The following PCNX2 variants were observed in gnomAD, a reference collection of about 807,000 sequenced individuals.
PCNX2 encodes pecanex 2.
PCNX2 carries 168 observed loss-of-function variants against 223.8 expected under a neutral mutation model. The ratio of observed to expected loss-of-function variants is 0.75; its 90% CI spans 0.66 to 0.85. PCNX2 has a LOEUF of 0.85. PCNX2 is among the 40% of genes least tolerant of loss of function. PCNX2 has a pLI of 0.00. For missense variants in PCNX2, 2,507 were observed against 2,675.5 expected (o/e 0.94, Z 1.39); for synonymous variants, 1,006 against 1,052.6 (o/e 0.96, Z 0.86).
At chr1:233,114,713 A>T (rs968967002) in intron 21 of PCNX2, among the ~76,000 whole-genome samples, 1 of 152,196 alleles carries the variant, frequency 6.6e-6, no homozygotes, top group Non-Finnish European at 1.5e-5. Flanking sequence ...AGGCGCATCC[A>T]GAAAGTCACA....
At chr1:233,026,604 T>C (rs185029374) in intron 25 of PCNX2, among the ~76,000 whole-genome samples, 232 of 152,280 alleles carry the variant, frequency 1.5e-3, no homozygotes, top group African/African-American at 5.4e-3. Context: ...GAGGAAGTGG[T>C]GAGAAATGAT....
chr1:233,053,144 T>C (rs781525820), intron 25 of PCNX2, among the ~76,000 whole-genome samples: 2 of 151,992 alleles, frequency 1.3e-5, no homozygotes, highest in Admixed American at 6.6e-5. Flanking sequence ...CCCCATAACA[T>C]AGAGAATAAC....
chr1:233,236,531 C>T (rs1658423324), intron 9 of PCNX2, among the ~76,000 whole-genome samples: 2 of 151,598 alleles, frequency 1.3e-5, no homozygotes, highest in Non-Finnish European at 2.9e-5. Flanking sequence ...AAAAAGGCAA[C>T]CTAATCCAGT....
intron 17 of PCNX2, among the ~76,000 whole-genome samples, chr1:233,167,167 A>T (rs1278796605): frequency 6.6e-6 from 1 of 152,212 alleles, no homozygotes; most frequent in African/African-American, 2.4e-5. Flanking sequence ...TAAATAATGG[A>T]TAAAGAAATT....
intron 12 of PCNX2, among the ~76,000 whole-genome samples, chr1:233,217,313 C>G (rs1657021975): frequency 6.6e-6 from 1 of 151,922 alleles, no homozygotes; most frequent in South Asian, 2.1e-4. Flanking sequence ...AAAACATCAC[C>G]CTGTACCCCA....
At chr1:233,119,796 AT>A (rs1342608687) in intron 21 of PCNX2, among the ~76,000 whole-genome samples, 3 of 152,140 alleles carry the variant, frequency 2.0e-5, no homozygotes, top group Non-Finnish European at 4.4e-5. Flanking sequence ...GAAAGACCCT[AT>A]TAAGAGAAGG....
chr1:233,151,215 T>C (rs1228621904), intron 19 of PCNX2, among the ~76,000 whole-genome samples: 2 of 152,232 alleles, frequency 1.3e-5, no homozygotes, highest in African/African-American at 4.8e-5. Context: ...ACACCATTTC[T>C]ATTTTCTCCA....
chr1:233,288,804 C>CTTT (rs10558976), intron 1 of PCNX2: 80 of 433,530 alleles, frequency 1.8e-4, no homozygotes, highest in South Asian at 7.1e-4. Context: ...GAAAGATGCC[C>CTTT]TTTTTTTTTT....
chr1:233,125,666 A>G lies in PCNX2; in HGVS notation c.3837+9347T>C, dbSNP rs75798365. Among the ~76,000 whole-genome samples the G allele has an allele frequency of 6.1e-3, 923 of 152,290 alleles. 4 individuals carry two copies. The highest frequency in any genetic ancestry group is 0.01 in the Middle Eastern group (3 of 294). On this transcript the variant is annotated intron_variant, in intron 21 of 33. Transcript: ENST00000258229. The stretch of plus-strand genomic sequence containing the variant: ...AATGAACATGTGACACAAAACGTCA[A>G]TGAGACTTCTCCCCCACCCGAAGAC...
In PCNX2 at chr1:233,120,164, CAAAAAAAA is replaced by C. The variant is rs1228898502; in HGVS notation, c.3837+14841_3837+14848del. On this transcript the variant is annotated intron_variant, in intron 21 of 33. Coordinates refer to ENST00000258229, the MANE Select transcript of PCNX2 (RefSeq NM_014801.4). ...CCTGGGTGACAGTGAGACTCCATTT[CAAAAAAAA>C]AAAAAAAAAAAAGAAATAAAAAGAA... is the stretch of plus-strand genomic sequence containing the variant. Among the ~76,000 whole-genome samples the C allele has an allele frequency of 1.9e-4, 8 of 42,656 alleles. 1 individual carries two copies. Among genetic ancestry groups the C allele is most frequent in the East Asian group, 7.3e-4 (1 of 1,368 alleles). 28.0% of individuals were successfully genotyped at this position (42,656 alleles called of 152,430 possible).
chr1:233,254,821 A>T (rs1659640537), intron 5 of PCNX2, among the ~76,000 whole-genome samples: 1 of 152,114 alleles, frequency 6.6e-6, no homozygotes, highest in African/African-American at 2.4e-5. Context: ...ATCTAAAAAT[A>T]GTAGTTATAT....
chr1:233,094,379 A>T (rs1321753085), intron 22 of PCNX2, among the ~76,000 whole-genome samples: 1 of 152,204 alleles, frequency 6.6e-6, no homozygotes, highest in Non-Finnish European at 1.5e-5. Context: ...GGCTTTATAG[A>T]AAATGATTGC....
chr1:233,036,629 CAAA>C (rs34006978), intron 25 of PCNX2, among the ~76,000 whole-genome samples: 2 of 132,554 alleles, frequency 1.5e-5, no homozygotes, highest in Admixed American at 7.8e-5. Flanking sequence ...GACTCCATCT[CAAA>C]AAAAAAAAAA....
At chr1:233,208,751 A>G (rs1262493732) in intron 12 of PCNX2, 62 bp from the exon 13 acceptor site, 1 of 1,462,442 alleles carries the variant, frequency 6.8e-7, no homozygotes, top group African/African-American at 1.4e-5. Context: ...AAAAAGCCTC[A>G]TAGTCAATAA....
chr1:233,240,244 G>A (rs561297026), intron 8 of PCNX2, among the ~76,000 whole-genome samples: 90 of 152,152 alleles, frequency 5.9e-4, no homozygotes, highest in Non-Finnish European at 1.0e-3. Flanking sequence ...TCACTGAAAC[G>A]GACAGGTGGA....
At position 233,025,188 on chromosome 1, in the gene PCNX2, C is replaced by T. The variant is rs371347464; in HGVS notation, c.4563G>A (p.Gln1521=). 315 of 1,613,920 alleles carry T rather than the reference C, an allele frequency of 2.0e-4. No homozygotes were observed. Among genetic ancestry groups the T allele is most frequent in the Non-Finnish European group, 2.6e-4 (302 of 1,179,892 alleles). The change falls in exon 26 of 34, where the codon CAG becomes CAA. Residue 1521 remains glutamine (Q), a synonymous_variant. Transcript: ENST00000258229. The part of the protein sequence containing the change: ...ILDNNAATML[Q]VFDLRRILIR... Reference sequence around the variant, plus strand: ...TGAGGATCCTTCGGAGGTCAAACACCTGCAGCATGGTGGCCGCGTTGTTGT... The same window carrying T: ...TGAGGATCCTTCGGAGGTCAAACACTTGCAGCATGGTGGCCGCGTTGTTGT...
chr1:233,264,906 A>C (rs547092344), intron 1 of PCNX2, among the ~76,000 whole-genome samples: 1 of 152,286 alleles, frequency 6.6e-6, no homozygotes, highest in African/African-American at 2.4e-5. Flanking sequence ...GGAAAAGAAA[A>C]CCTGCAGATG....
At chr1:233,137,727 TG>T (rs1676892564) in intron 20 of PCNX2, among the ~76,000 whole-genome samples, 1 of 152,150 alleles carries the variant, frequency 6.6e-6, no homozygotes, top group Admixed American at 6.5e-5. Flanking sequence ...TAGCAATTGG[TG>T]AACAATGCCC....
intron 1 of PCNX2, among the ~76,000 whole-genome samples, chr1:233,276,947 G>A (rs1660946263): frequency 6.6e-6 from 1 of 152,176 alleles, no homozygotes; most frequent in Non-Finnish European, 1.5e-5. Flanking sequence ...ATTTATTTTT[G>A]CCCAGCAAGG....
Sources: allele counts gnomAD v4.1 joint callset (sites outside exome capture counted in the v4.1 genomes callset), GRCh38; gene constraint gnomAD v4.1.1; transcripts MANE v1.5; gene names NCBI Gene and HGNC (gene_info 2026-07-23, HGNC 2026-07-21).